The following PCDH9 variants were observed in gnomAD, a reference collection of about 807,000 sequenced individuals.
PCDH9 encodes the protein protocadherin 9, also known as protocadherin-9.
Under a neutral mutation model 70.6 loss-of-function variants are expected in PCDH9, and 24 were observed. That is an observed-to-expected ratio of 0.34 (90% CI 0.25 to 0.48). PCDH9 has a LOEUF of 0.48. Ranked by LOEUF, PCDH9 falls within the 20% of genes least tolerant of loss-of-function variation. PCDH9 has a pLI of 0.99. For missense variants in PCDH9, 1,281 were observed against 1,503.6 expected, an observed-to-expected ratio of 0.85 and a Z score of 2.45; for synonymous variants, 562 against 558.5, an observed-to-expected ratio of 1.01 and a Z score of -0.09.
chr13:66,670,550 A>G (rs2078159881), intron 3 of PCDH9, among the ~76,000 whole-genome samples: 1 of 152,210 alleles, frequency 6.6e-6, no homozygotes, highest in Non-Finnish European at 1.5e-5. Context: ...AGTTTTAAAA[A>G]GTATGTATAT....
intron 2 of PCDH9, among the ~76,000 whole-genome samples, chr13:67,015,234 CACTCCCTGG>C (rs1439447953): frequency 1.3e-5 from 2 of 152,102 alleles, no homozygotes; most frequent in Non-Finnish European, 2.9e-5. Flanking sequence ...AGTCTGCACA[CACTCCCTGG>C]ACAGGCTCAC....
chr13:66,569,199 G>T (rs935304679), intron 4 of PCDH9, among the ~76,000 whole-genome samples: 2 of 148,968 alleles, frequency 1.3e-5, no homozygotes, highest in African/African-American at 4.9e-5. Flanking sequence ...TTATTTTTTA[G>T]CAGAGACGGG....
At chr13:66,896,028 T>C (rs1035318728) in intron 3 of PCDH9, among the ~76,000 whole-genome samples, 2 of 152,208 alleles carry the variant, frequency 1.3e-5, no homozygotes, top group Non-Finnish European at 2.9e-5. Context: ...GGTTTGGTGC[T>C]GTCCATCAAG....
At chr13:67,228,814 C>T (rs1190029684) in intron 1 of PCDH9, among the ~76,000 whole-genome samples, 1 of 152,182 alleles carries the variant, frequency 6.6e-6, no homozygotes, top group Admixed American at 6.5e-5. Context: ...CCTATATTCA[C>T]GCACGTTGTT....
chr13:67,017,836 T>G (rs975962852), intron 2 of PCDH9, among the ~76,000 whole-genome samples: 17 of 152,152 alleles, frequency 1.1e-4, no homozygotes, highest in Non-Finnish European at 2.2e-4. Flanking sequence ...ACATTTTTAC[T>G]GTACACAGAG....
At chr13:66,322,034 C>G (rs1955764681) in intron 4 of PCDH9, among the ~76,000 whole-genome samples, 1 of 147,112 alleles carries the variant, frequency 6.8e-6, no homozygotes, top group South Asian at 2.1e-4. Flanking sequence ...CAGAGCCATA[C>G]ATTGTATATT....
At chr13:66,653,769 C>T (rs970953189) in intron 3 of PCDH9, among the ~76,000 whole-genome samples, 1 of 151,868 alleles carries the variant, frequency 6.6e-6, no homozygotes, top group Non-Finnish European at 1.5e-5. Flanking sequence ...AGACCCAGAC[C>T]ATCCTGGCTA....
chr13:66,496,286 C>T (rs764230041), intron 4 of PCDH9, among the ~76,000 whole-genome samples: 3 of 152,262 alleles, frequency 2.0e-5, no homozygotes, highest in East Asian at 1.9e-4. Flanking sequence ...TCCACTATAT[C>T]GAAACTATCC....
intron 4 of PCDH9, among the ~76,000 whole-genome samples, chr13:66,317,199 T>C (rs908373148): frequency 9.2e-5 from 14 of 152,108 alleles, no homozygotes; most frequent in African/African-American, 1.4e-4. Flanking sequence ...ACATTGCAGA[T>C]AATTATTAGA....
At chr13:66,513,511 C>T (rs1249243061) in intron 4 of PCDH9, among the ~76,000 whole-genome samples, 6 of 151,934 alleles carry the variant, frequency 3.9e-5, no homozygotes, top group African/African-American at 1.4e-4. Flanking sequence ...ACAAAAACTA[C>T]AGGCCCATCA....
chr13:66,605,681 T>G (rs1385263559), intron 4 of PCDH9, among the ~76,000 whole-genome samples: 1 of 152,138 alleles, frequency 6.6e-6, no homozygotes, highest in Non-Finnish European at 1.5e-5. Flanking sequence ...ACATTTTTAT[T>G]TATTTATCAG....
At chr13:66,884,996 A>AT (rs1313340619) in intron 3 of PCDH9, among the ~76,000 whole-genome samples, 1 of 152,034 alleles carries the variant, frequency 6.6e-6, no homozygotes, top group Non-Finnish European at 1.5e-5. Flanking sequence ...ATTGATTAAA[A>AT]TTTCTCTCTC....
In PCDH9 at chr13:66,631,255, G is replaced by A. The variant is rs1010987405; in HGVS notation, c.3295C>T (p.Pro1099Ser). The change falls in exon 4 of 5, where the codon CCG becomes TCG. Residue 1099 changes from proline (P) to serine (S), a missense_variant. Transcript: ENST00000377865. The stretch of plus-strand genomic sequence containing the variant: ...CCATCTGCTTCAGTCCTCTTGTCCG[G>A]AGAGGCCTGGTCATAGAATTCGTCC... ...PQDEFYDQAS[P>S]DKRTEADGNS... The A allele has an allele frequency of 6.2e-7, 1 of 1,610,532 alleles. No individual in the cohort carries two copies. The highest frequency in any genetic ancestry group is 1.7e-5 in the Admixed American group (1 of 60,016).
intron 4 of PCDH9, among the ~76,000 whole-genome samples, chr13:66,359,594 G>T (rs918644591): frequency 6.6e-6 from 1 of 151,960 alleles, no homozygotes; most frequent in Admixed American, 6.6e-5. Context: ...CCATCCTGTC[G>T]GCACAGAAAC....
At chr13:66,924,027 C>T (rs914065974) in intron 2 of PCDH9, among the ~76,000 whole-genome samples, 1 of 151,730 alleles carries the variant, frequency 6.6e-6, no homozygotes, top group Non-Finnish European at 1.5e-5. Context: ...ACTACAAAAG[C>T]ACACACTCAT....
chr13:66,702,870 T>G (rs1445744345), intron 3 of PCDH9, among the ~76,000 whole-genome samples: 2 of 152,202 alleles, frequency 1.3e-5, no homozygotes, highest in Non-Finnish European at 2.9e-5. Flanking sequence ...GGAAGTTTTA[T>G]TTGAATGTTT....
chr13:66,988,310 G>A (rs181955438), intron 2 of PCDH9, among the ~76,000 whole-genome samples: 2 of 152,082 alleles, frequency 1.3e-5, no homozygotes, highest in Admixed American at 6.6e-5. Context: ...CTTTTAACAC[G>A]TAGTCTGATG....
intron 2 of PCDH9, chr13:67,201,406 A>G (rs920565457): frequency 2.6e-5 from 4 of 152,036 alleles, no homozygotes; most frequent in Admixed American, 6.6e-5. Context: ...AATGAGGACA[A>G]GTTTTAATTG....
intron 4 of PCDH9, among the ~76,000 whole-genome samples, chr13:66,578,935 A>T (rs971781942): frequency 1.2e-4 from 19 of 152,072 alleles, no homozygotes; most frequent in African/African-American, 4.1e-4. Context: ...AGTGATCTTT[A>T]CTATCTCTGC....
Sources: allele counts gnomAD v4.1 joint callset (sites outside exome capture counted in the v4.1 genomes callset), GRCh38; gene constraint gnomAD v4.1.1; transcripts MANE v1.5; gene names NCBI Gene and HGNC (gene_info 2026-07-23, HGNC 2026-07-21).